DLGAP1: variants seen among roughly 807,000 people sequenced by gnomAD.
The protein encoded by DLGAP1 is DLG associated protein 1.
DLGAP1 carries 11 observed loss-of-function variants against 90.8 expected under a neutral mutation model. That is an observed-to-expected ratio of 0.12 (90% CI 0.08 to 0.20). DLGAP1 has a LOEUF of 0.20. DLGAP1 is among the 10% of genes least tolerant of loss of function. The pLI, the probability that DLGAP1 is intolerant of heterozygous loss-of-function variation, is 1.00. For missense variants in DLGAP1, 1,050 were observed against 1,333.8 expected (o/e 0.79, Z 3.31); for synonymous variants, 558 against 540.7 (o/e 1.03, Z -0.44).
At chr18:3,984,976 T>A (rs1408545762) in intron 3 of DLGAP1, among the ~76,000 whole-genome samples, 2 of 152,184 alleles carry the variant, frequency 1.3e-5, no homozygotes, top group East Asian at 3.8e-4. Context: ...AGTGAGGAGC[T>A]ATGTCTTATT....
chr18:4,182,670 C>G (rs2077228737), intron 1 of DLGAP1, among the ~76,000 whole-genome samples: 1 of 152,014 alleles, frequency 6.6e-6, no homozygotes, highest in Non-Finnish European at 1.5e-5. Context: ...TTTAAAGTGT[C>G]TTTTGCTATG....
At position 4,396,056 on chromosome 18, in the gene DLGAP1, G is replaced by A. The variant is rs559729456; in HGVS notation, c.-267+58950C>T. Reference sequence around the variant, plus strand: ...AGATATTCTAACTCCACCGGCTGCGGGCACAGGGAAAGCTAGAGTAATTGG... The same window carrying A: ...AGATATTCTAACTCCACCGGCTGCGAGCACAGGGAAAGCTAGAGTAATTGG... On this transcript the variant is annotated intron_variant, in intron 1 of 12. Transcript: ENST00000315677. 3.3e-5 allele frequency among the ~76,000 whole-genome samples: 5 copies of A among 152,304 alleles called. No individual in the cohort carries two copies. In the South Asian group the frequency reaches 1.0e-3, roughly 32 times the overall value.
intron 1 of DLGAP1, among the ~76,000 whole-genome samples, chr18:4,242,301 T>C (rs1013606512): frequency 6.6e-6 from 1 of 152,180 alleles, no homozygotes; most frequent in Admixed American, 6.6e-5. Context: ...ATGCATTCTT[T>C]TTTTAATCCA....
At chr18:3,519,471 CT>C (rs2051042988) in intron 10 of DLGAP1, among the ~76,000 whole-genome samples, 2 of 152,192 alleles carry the variant, frequency 1.3e-5, no homozygotes, top group Non-Finnish European at 2.9e-5. Flanking sequence ...AACTCAACCC[CT>C]ATTCCCTCAT....
chr18:3,719,385 T>C (rs560270562), intron 7 of DLGAP1, among the ~76,000 whole-genome samples: 175 of 151,786 alleles, frequency 1.2e-3, no homozygotes, highest in African/African-American at 3.2e-3. Context: ...AGCAAAACCC[T>C]GTCTCTACTA....
intron 8 of DLGAP1, among the ~76,000 whole-genome samples, chr18:3,573,860 A>G (rs928909780): frequency 6.6e-6 from 1 of 152,076 alleles, no homozygotes; most frequent in Non-Finnish European, 1.5e-5. Flanking sequence ...GCCAGCACGC[A>G]CGACTAATTT....
intron 1 of DLGAP1, among the ~76,000 whole-genome samples, chr18:4,357,140 TTC>T (rs2081534881): frequency 1.3e-5 from 2 of 148,376 alleles, no homozygotes; most frequent in Non-Finnish European, 3.0e-5. Context: ...TCTTTGTTCT[TTC>T]TCTTTGTTTT....
intron 1 of DLGAP1, among the ~76,000 whole-genome samples, chr18:4,369,371 G>C (rs1463138415): frequency 1.3e-5 from 2 of 152,042 alleles, no homozygotes; most frequent in African/African-American, 4.8e-5. Context: ...CTTGTCTCCT[G>C]CTGACAAGAG....
intron 10 of DLGAP1, among the ~76,000 whole-genome samples, chr18:3,524,795 G>A (rs1442121641): frequency 1.3e-5 from 2 of 152,150 alleles, no homozygotes; most frequent in Non-Finnish European, 2.9e-5. Context: ...TTATCCATGT[G>A]GAGACATTCT....
intron 7 of DLGAP1, chr18:3,608,160 T>TA (rs2057412029): frequency 6.6e-6 from 1 of 152,138 alleles, no homozygotes; most frequent in African/African-American, 2.4e-5. Flanking sequence ...CTGTCTCTAC[T>TA]AAAAATACAA....
chr18:3,500,836 A>AT (rs1286363055), intron 12 of DLGAP1, among the ~76,000 whole-genome samples: 1 of 152,148 alleles, frequency 6.6e-6, no homozygotes, highest in African/African-American at 2.4e-5. Context: ...CTCAGTGGAT[A>AT]TTTTTAGAAA....
chr18:3,665,275 A>G (rs748260481), intron 7 of DLGAP1, among the ~76,000 whole-genome samples: 3 of 136,350 alleles, frequency 2.2e-5, no homozygotes, highest in Non-Finnish European at 4.7e-5. Context: ...CCCTCCCCCC[A>G]ACCCCTTCCT....
At chr18:3,823,912 T>C (rs1043866283) in intron 4 of DLGAP1, among the ~76,000 whole-genome samples, 3 of 112,254 alleles carry the variant, frequency 2.7e-5, no homozygotes, top group Non-Finnish European at 4.9e-5. Context: ...ATGGTACCAT[T>C]ACATTCCAGC....
At chr18:4,429,142 CT>C (rs541303426) in intron 1 of DLGAP1, among the ~76,000 whole-genome samples, 17 of 152,264 alleles carry the variant, frequency 1.1e-4, no homozygotes, top group African/African-American at 3.6e-4. Context: ...ATATGAAATT[CT>C]ATGAGTCATT....
At chr18:4,303,752 A>C (rs1186290922) in intron 1 of DLGAP1, among the ~76,000 whole-genome samples, 2 of 152,194 alleles carry the variant, frequency 1.3e-5, no homozygotes, top group African/African-American at 2.4e-5. Context: ...ATGTTCCCTG[A>C]TTTCTGTGCC....
At chr18:3,739,349 C>T (rs1006775032) in intron 6 of DLGAP1, among the ~76,000 whole-genome samples, 4 of 147,754 alleles carry the variant, frequency 2.7e-5, no homozygotes, top group Admixed American at 6.8e-5. Context: ...TGGCACTATT[C>T]ACAATAGCAA....
At position 3,847,087 on chromosome 18, in the gene DLGAP1, T is replaced by C. The variant is rs530843770; in HGVS notation, c.957+32025A>G. 2.6e-5 allele frequency among the ~76,000 whole-genome samples: 4 copies of C among 152,366 alleles called. No individual in the cohort carries two copies. In the South Asian group the frequency reaches 8.3e-4, roughly 32 times the overall value. ...TATTCAATTTGTTAAAGGGCTTGCA[T>C]GTCTATTTTATAAGGAAGCTAGGTC... is the stretch of plus-strand genomic sequence containing the variant. On this transcript the variant is annotated intron_variant, in intron 4 of 12. Transcript: ENST00000315677.
intron 2 of DLGAP1, among the ~76,000 whole-genome samples, chr18:4,060,020 G>A (rs2075277680): frequency 6.6e-6 from 1 of 152,118 alleles, no homozygotes; most frequent in African/African-American, 2.4e-5. Flanking sequence ...GGAATTAGTG[G>A]GAAAAAGCCC....
chr18:4,084,259 T>G lies in DLGAP1; in HGVS notation c.-159+66921A>C, dbSNP rs2075651606. ...GTAGCATTCACGATTTGAATTTGAA[T>G]CCTGTAGGTTTTTCTCTTTTAATTT... On this transcript the variant is annotated intron_variant, in intron 2 of 12. Transcript: ENST00000315677. The surrounding 1 kb of genome is among the most constrained non-coding windows in gnomAD (Gnocchi z 4.0). 6.6e-6 allele frequency among the ~76,000 whole-genome samples: 1 copy of G among 152,284 alleles called. No individual in the cohort carries two copies. Among genetic ancestry groups the G allele is most frequent in the Admixed American group, 6.5e-5 (1 of 15,304 alleles).
Sources: gnomAD v4.1 joint callset for allele counts (sites outside exome capture counted in the v4.1 genomes callset) on GRCh38, gnomAD v4.1.1 for gene constraint, Gnocchi (gnomAD v3.1) non-coding constraint, MANE v1.5 for transcripts, NCBI Gene and HGNC (gene_info 2026-07-23, HGNC 2026-07-21) for gene names.